CELF4: variants seen among roughly 807,000 people sequenced by gnomAD.
The protein encoded by CELF4 is CUG-BP- and ETR-3-like factor 4.
Under a neutral mutation model 59.9 loss-of-function variants are expected in CELF4, and 18 were observed. The ratio of observed to expected loss-of-function variants is 0.30; its 90% CI spans 0.21 to 0.45. CELF4 has a LOEUF of 0.45. CELF4 is among the 20% of genes least tolerant of loss of function. The pLI, the probability that CELF4 is intolerant of heterozygous loss-of-function variation, is 1.00. For missense variants in CELF4, 456 were observed against 689.0 expected, an observed-to-expected ratio of 0.66 and a Z score of 3.79; for synonymous variants, 261 against 267.1, an observed-to-expected ratio of 0.98 and a Z score of 0.22.
chr18:37,547,716 G>A (rs2099981917), intron 1 of CELF4, among the ~76,000 whole-genome samples: 1 of 152,090 alleles, frequency 6.6e-6, no homozygotes, highest in Non-Finnish European at 1.5e-5. Context: ...TCCAAGCTGG[G>A]CCCCTGTCAT....
chr18:37,493,960 C>T (rs2099921917), intron 1 of CELF4, among the ~76,000 whole-genome samples: 1 of 152,144 alleles, frequency 6.6e-6, no homozygotes, highest in South Asian at 2.1e-4. Flanking sequence ...CCTTTGTACC[C>T]ACAAGACAGA....
At chr18:37,383,096 C>T (rs2154570376) in intron 2 of CELF4, among the ~76,000 whole-genome samples, 1 of 152,192 alleles carries the variant, frequency 6.6e-6, no homozygotes, top group Non-Finnish European at 1.5e-5. Flanking sequence ...ACTATGTTGT[C>T]CAGGCTAGTC....
chr18:37,356,231 A>T (rs1382197645), intron 2 of CELF4, among the ~76,000 whole-genome samples: 1 of 152,256 alleles, frequency 6.6e-6, no homozygotes, highest in Non-Finnish European at 1.5e-5. Context: ...AATAAGAAAA[A>T]ATAGTATGTG....
intron 1 of CELF4, among the ~76,000 whole-genome samples, chr18:37,489,150 C>G (rs1176885860): frequency 6.6e-6 from 1 of 152,264 alleles, no homozygotes; most frequent in African/African-American, 2.4e-5. Context: ...CACCCCGGGC[C>G]CTTCCCAGTC....
intron 2 of CELF4, among the ~76,000 whole-genome samples, chr18:37,480,931 G>A (rs1373567960): frequency 6.6e-6 from 1 of 151,894 alleles, no homozygotes; most frequent in African/African-American, 2.4e-5. Context: ...AGAAAGGAGA[G>A]ACAGTCTGAG....
chr18:37,343,938 C>T (rs1247080202), intron 2 of CELF4, among the ~76,000 whole-genome samples: 2 of 152,176 alleles, frequency 1.3e-5, no homozygotes, highest in Non-Finnish European at 1.5e-5. Context: ...TGGCTGTTCC[C>T]TTTGCCAGGA....
At chr18:37,490,708 A>T (rs1009491844) in intron 1 of CELF4, among the ~76,000 whole-genome samples, 1 of 152,138 alleles carries the variant, frequency 6.6e-6, no homozygotes, top group East Asian at 1.9e-4. Flanking sequence ...GATGGAAACC[A>T]TGATGGTGCA....
chr18:37,329,968 G>C (rs984622844), intron 2 of CELF4, among the ~76,000 whole-genome samples: 1 of 152,126 alleles, frequency 6.6e-6, no homozygotes, highest in African/African-American at 2.4e-5. Context: ...CATTGCCCAG[G>C]TCTGTGCATT....
At chr18:37,446,485 G>C (rs903161910) in intron 2 of CELF4, among the ~76,000 whole-genome samples, 1 of 152,106 alleles carries the variant, frequency 6.6e-6, no homozygotes, top group Non-Finnish European at 1.5e-5. Flanking sequence ...TACCACTCAT[G>C]AGCTGTATAC....
intron 2 of CELF4, among the ~76,000 whole-genome samples, chr18:37,477,625 C>G (rs2099853893): frequency 6.6e-6 from 1 of 152,198 alleles, no homozygotes; most frequent in African/African-American, 2.4e-5. Context: ...ATCCTGCCAT[C>G]TCTCTCATCT....
intron 1 of CELF4, among the ~76,000 whole-genome samples, chr18:37,514,618 G>A (rs992472639): frequency 6.6e-6 from 1 of 152,164 alleles, no homozygotes; most frequent in African/African-American, 2.4e-5. Flanking sequence ...AGCCCAAGGA[G>A]GCCTGGGCGG....
chr18:37,336,190 C>A (rs1215574834), intron 2 of CELF4, among the ~76,000 whole-genome samples: 2 of 152,190 alleles, frequency 1.3e-5, no homozygotes, highest in Non-Finnish European at 2.9e-5. Flanking sequence ...CAGAATGCGC[C>A]CCTCACGGCT....
At chr18:37,559,850 G>A (rs2154606245) in intron 1 of CELF4, among the ~76,000 whole-genome samples, 1 of 152,336 alleles carries the variant, frequency 6.6e-6, no homozygotes, top group African/African-American at 2.4e-5. Flanking sequence ...AGTGTGGCAA[G>A]ATCACTGGGC....
intron 1 of CELF4, among the ~76,000 whole-genome samples, chr18:37,535,219 C>T (rs2099972572): frequency 6.6e-6 from 1 of 152,140 alleles, no homozygotes; most frequent in African/African-American, 2.4e-5. Context: ...AAAAATAATG[C>T]CTCTGTATGA....
chr18:37,336,062 C>T lies in CELF4; in HGVS notation c.370-14181G>A, dbSNP rs1231241879. On this transcript the variant is annotated intron_variant, in intron 2 of 12. Transcript: ENST00000420428. ...GCCTCCTGTGACATTCTTCGCAGCGCACTTCTGAGCCCTGAGGAGCAGCCC... is the reference window on the plus strand; with the variant it reads ...GCCTCCTGTGACATTCTTCGCAGCGTACTTCTGAGCCCTGAGGAGCAGCCC... Among the ~76,000 whole-genome samples, 64 of 152,216 alleles carry T rather than the reference C, an allele frequency of 4.2e-4. 1 individual carries two copies. Among genetic ancestry groups the T allele is most frequent in the Admixed American group, 4.2e-3 (64 of 15,292 alleles).
chr18:37,515,921 G>A (rs1402404876), intron 1 of CELF4, among the ~76,000 whole-genome samples: 1 of 152,146 alleles, frequency 6.6e-6, no homozygotes, highest in Non-Finnish European at 1.5e-5. Context: ...GGTGAAAGCA[G>A]GACTTGCCTT....
intron 2 of CELF4, among the ~76,000 whole-genome samples, chr18:37,326,661 G>C (rs2097325775): frequency 6.6e-6 from 1 of 152,162 alleles, no homozygotes; most frequent in East Asian, 1.9e-4. Context: ...GTCCTCCGGG[G>C]ACATCACAAA....
intron 2 of CELF4, among the ~76,000 whole-genome samples, chr18:37,469,229 C>A (rs375546414): frequency 1.3e-5 from 2 of 152,118 alleles, no homozygotes; most frequent in Admixed American, 6.5e-5. Context: ...CTTACCCCTT[C>A]GTGTCATGAC....
chr18:37,427,002 C>A (rs1269999562), intron 2 of CELF4, among the ~76,000 whole-genome samples: 1 of 131,468 alleles, frequency 7.6e-6, no homozygotes, highest in Non-Finnish European at 1.6e-5. Flanking sequence ...GGGGCTGAGG[C>A]TCAGACTTGG....
Sources: allele counts gnomAD v4.1 joint callset (sites outside exome capture counted in the v4.1 genomes callset), GRCh38; gene constraint gnomAD v4.1.1; transcripts MANE v1.5; gene names NCBI Gene and HGNC (gene_info 2026-07-23, HGNC 2026-07-21).